Variants in ROBO1 observed in about 807,000 individuals in gnomAD.
The protein encoded by ROBO1 is roundabout homolog 1.
Under a neutral mutation model 195.9 loss-of-function variants are expected in ROBO1, and 149 were observed. That is an observed-to-expected ratio of 0.76 (90% confidence interval 0.67 to 0.87). The LOEUF (loss-of-function observed/expected upper bound fraction) is 0.87. ROBO1 is among the 40% of genes least tolerant of loss of function. The probability of loss-of-function intolerance (pLI) is 0.00; values close to 1 mark genes in which losing one functional copy is unlikely to be tolerated. For synonymous variants in ROBO1, 816 were observed against 733.2 expected (o/e 1.11, Z -1.82); for missense variants, 1,933 against 2,068.3 (o/e 0.93, Z 1.27).
chr3:78,850,595 C>T (rs1339320712), intron 4 of ROBO1, among the ~76,000 whole-genome samples: 1 of 151,872 alleles, frequency 6.6e-6, no homozygotes, highest in African/African-American at 2.4e-5. Flanking sequence ...TTTTAGGGAA[C>T]AAAAATCCCA....
At chr3:79,747,830 T>G (rs1033138975) in intron 1 of ROBO1, among the ~76,000 whole-genome samples, 16 of 151,748 alleles carry the variant, frequency 1.1e-4, no homozygotes, top group African/African-American at 3.9e-4. Flanking sequence ...AAAAATAATG[T>G]ACAAAAAATG....
At position 79,118,232 on chromosome 3, in the gene ROBO1, TGG is replaced by T. The variant is rs757712924; in HGVS notation, c.172+7222_172+7223del. Among the ~76,000 whole-genome samples, 5 of 146,670 alleles carry T rather than the reference TGG, an allele frequency of 3.4e-5. No homozygotes were observed. The East Asian group carries it at 5.9e-4, about 17-fold the overall frequency. On this transcript the variant is annotated intron_variant, in intron 3 of 30. Coordinates refer to ENST00000464233, the MANE Select transcript of ROBO1 (RefSeq NM_002941.4). Reference sequence around the variant, plus strand: ...TTAGGCTGGTACAAAAGTAATTGTGTGGGTTTTTTTTTTTTTTTGCAATTTTT... The same window carrying T: ...TTAGGCTGGTACAAAAGTAATTGTGTGTTTTTTTTTTTTTTTGCAATTTTT...
chr3:78,727,329 T>C (rs1421702282), intron 5 of ROBO1, among the ~76,000 whole-genome samples: 1 of 152,146 alleles, frequency 6.6e-6, no homozygotes, highest in African/African-American at 2.4e-5. Context: ...AAGAATACTT[T>C]AAAAAACTAC....
chr3:79,266,651 T>C (rs969482319), intron 2 of ROBO1, among the ~76,000 whole-genome samples: 6 of 151,620 alleles, frequency 4.0e-5, no homozygotes, highest in East Asian at 1.9e-4. Context: ...TGTTACCTGA[T>C]AGAAAATAAA....
chr3:79,154,919 T>C (rs1161063420), intron 2 of ROBO1, among the ~76,000 whole-genome samples: 1 of 151,798 alleles, frequency 6.6e-6, no homozygotes, highest in Non-Finnish European at 1.5e-5. Flanking sequence ...TGTAGAAGAA[T>C]AAAATAATAA....
intron 2 of ROBO1, among the ~76,000 whole-genome samples, chr3:79,554,278 G>A (rs982792241): frequency 2.6e-5 from 4 of 152,134 alleles, no homozygotes; most frequent in African/African-American, 9.6e-5. Context: ...GGTACTTAAA[G>A]AGCTTATAAT....
chr3:79,155,801 C>A (rs1375333246), intron 2 of ROBO1, among the ~76,000 whole-genome samples: 1 of 151,724 alleles, frequency 6.6e-6, no homozygotes, highest in Non-Finnish European at 1.5e-5. Flanking sequence ...AGGTCTTAAC[C>A]AAATTGTCTT....
intron 4 of ROBO1, among the ~76,000 whole-genome samples, chr3:78,807,234 A>T (rs1236710204): frequency 6.6e-6 from 1 of 152,224 alleles, no homozygotes; most frequent in Non-Finnish European, 1.5e-5. Context: ...AACAGAAGGA[A>T]ATTGTATTCA....
intron 2 of ROBO1, among the ~76,000 whole-genome samples, chr3:79,498,567 T>C (rs1301074212): frequency 2.6e-5 from 4 of 152,156 alleles, no homozygotes; most frequent in African/African-American, 9.6e-5. Flanking sequence ...AAAAATATGA[T>C]TTGTGGCCGG....
intron 2 of ROBO1, among the ~76,000 whole-genome samples, chr3:79,448,577 C>T (rs933156754): frequency 9.9e-5 from 15 of 152,198 alleles, no homozygotes; most frequent in African/African-American, 3.6e-4. Flanking sequence ...ATCCCCGCAC[C>T]CCACCTCACA....
intron 2 of ROBO1, among the ~76,000 whole-genome samples, chr3:79,582,304 C>G (rs966113999): frequency 6.6e-6 from 1 of 151,668 alleles, no homozygotes; most frequent in Non-Finnish European, 1.5e-5. Context: ...CATTCATCAA[C>G]AAACATTCAG....
intron 2 of ROBO1, among the ~76,000 whole-genome samples, chr3:79,566,574 G>A (rs1576035716): frequency 6.6e-6 from 1 of 151,848 alleles, no homozygotes; most frequent in African/African-American, 2.4e-5. Context: ...AAACCAGAGA[G>A]GGGGGATCCC....
At chr3:78,680,619 A>C (rs1293982785) in intron 10 of ROBO1, among the ~76,000 whole-genome samples, 40 of 151,330 alleles carry the variant, frequency 2.6e-4, no homozygotes, top group African/African-American at 8.8e-4. Flanking sequence ...AATGCAAATC[A>C]AAACCACAAT....
chr3:78,834,836 C>T (rs1256197219), intron 4 of ROBO1, among the ~76,000 whole-genome samples: 2 of 152,064 alleles, frequency 1.3e-5, no homozygotes, highest in Admixed American at 6.6e-5. Flanking sequence ...TTCCATAATA[C>T]TACAATCGTG....
chr3:78,666,069 C>A (rs760751576), intron 14 of ROBO1, among the ~76,000 whole-genome samples: 1 of 152,030 alleles, frequency 6.6e-6, no homozygotes, highest in South Asian at 2.1e-4. Context: ...CTCAGGAGAC[C>A]CGATGGTTTT....
intron 1 of ROBO1, among the ~76,000 whole-genome samples, chr3:79,613,192 G>C (rs1944717712): frequency 1.3e-5 from 2 of 151,910 alleles, no homozygotes; most frequent in Non-Finnish European, 2.9e-5. Flanking sequence ...TTTTCATTTA[G>C]CTACACTGCT....
rs541654113 is a variant in ROBO1 at position 79,165,939 on chromosome 3, G to C, written c.89-40400C>G. ...ATCAGTTGAAAGACCTTAAAAATAG[G>C]TCTGAAGCTTCCCTGATGGAAGAAT... On this transcript the variant is annotated intron_variant, in intron 2 of 30. Coordinates refer to ENST00000464233, the MANE Select transcript of ROBO1 (RefSeq NM_002941.4). Among the ~76,000 whole-genome samples the C allele has an allele frequency of 4.6e-5, 7 of 152,294 alleles. No individual in the cohort carries two copies. The East Asian group carries it at 1.4e-3, about 29-fold the overall frequency.
intron 4 of ROBO1, among the ~76,000 whole-genome samples, chr3:78,856,306 AAAC>A (rs2034428407): frequency 1.3e-5 from 2 of 151,808 alleles, no homozygotes; most frequent in Admixed American, 6.6e-5. Flanking sequence ...AAAAAAAAAA[AAAC>A]AGTATGAGAA....
chr3:79,565,971 C>T (rs545664670), intron 2 of ROBO1, among the ~76,000 whole-genome samples: 3 of 152,236 alleles, frequency 2.0e-5, no homozygotes, highest in Admixed American at 6.5e-5. Flanking sequence ...CCTGGTGGAA[C>T]TCTTTGCATT....
Sources: allele counts gnomAD v4.1 joint callset (sites outside exome capture counted in the v4.1 genomes callset), GRCh38; gene constraint gnomAD v4.1.1; transcripts MANE v1.5; gene names NCBI Gene and HGNC (gene_info 2026-07-23, HGNC 2026-07-21).